The following TTC29 variants were observed in gnomAD, a reference collection of about 807,000 sequenced individuals.
TTC29 encodes the protein tetratricopeptide repeat domain 29.
In TTC29, 49 loss-of-function variants were observed where a neutral mutation model predicts 58.1. The ratio of observed to expected loss-of-function variants is 0.84; its 90% CI spans 0.67 to 1.07. TTC29 has a LOEUF of 1.07. TTC29 is among the 50% of genes least tolerant of loss of function. TTC29 has a pLI of 0.00. For synonymous variants in TTC29, 209 were observed against 196.8 expected (o/e 1.06, Z -0.52); for missense variants, 582 against 555.6 (o/e 1.05, Z -0.48).
Position 146,790,771 on chromosome 4 carries a change from C to A in TTC29, c.1330+12686G>T, listed in dbSNP as rs564003988. Among the ~76,000 whole-genome samples the A allele has an allele frequency of 2.6e-5, 4 of 152,272 alleles. No individual in the cohort carries two copies. The East Asian group carries it at 5.8e-4, about 22-fold the overall frequency. On this transcript the variant is annotated intron_variant, in intron 11 of 12. Coordinates refer to ENST00000325106, the MANE Select transcript of TTC29 (RefSeq NM_031956.4). ...GCATCAGAAGCTGGGACTTGCTAAG[C>A]AAGACTGTGCAGAATCCCACTCAGC...
chr4:146,748,891 C>A (rs535113640), intron 11 of TTC29, among the ~76,000 whole-genome samples: 2 of 152,078 alleles, frequency 1.3e-5, no homozygotes, highest in East Asian at 3.9e-4. Context: ...CTGACCCCCC[C>A]GCAAAATAGA....
intron 7 of TTC29, among the ~76,000 whole-genome samples, chr4:146,868,023 G>A (rs1167987074): frequency 6.6e-6 from 1 of 152,058 alleles, no homozygotes; most frequent in Non-Finnish European, 1.5e-5. Context: ...AACCTTAAAT[G>A]GTGCACAAAC....
intron 11 of TTC29, among the ~76,000 whole-genome samples, chr4:146,712,030 CATAA>C (rs1230111132): frequency 4.9e-4 from 74 of 151,848 alleles, no homozygotes; most frequent in African/African-American, 1.7e-3. Flanking sequence ...TAAATAAATA[CATAA>C]ATAAATAGAA....
intron 11 of TTC29, among the ~76,000 whole-genome samples, chr4:146,766,272 T>C (rs945058008): frequency 1.3e-5 from 2 of 152,046 alleles, no homozygotes; most frequent in African/African-American, 4.8e-5. Context: ...TGAGAGAAGA[T>C]GCTTCTGAAC....
intron 2 of TTC29, chr4:146,944,046 G>A (rs1164793662): frequency 6.6e-6 from 1 of 152,350 alleles, no homozygotes; most frequent in East Asian, 1.9e-4. Context: ...GCTGCAGGAA[G>A]GGAAATTGCT....
At chr4:146,818,358 C>A (rs376653185) in intron 10 of TTC29, among the ~76,000 whole-genome samples, 10 of 152,270 alleles carry the variant, frequency 6.6e-5, no homozygotes, top group Admixed American at 5.2e-4. Context: ...GGCCATCAGA[C>A]AAATGCAAAT....
rs145510076 is a variant in TTC29, at chr4:146,849,944, C to T, written c.886-16047G>A. Among the ~76,000 whole-genome samples, 597 of 152,280 alleles carry T rather than the reference C, an allele frequency of 3.9e-3. 6 individuals are homozygous for T. Among genetic ancestry groups the T allele is most frequent in the African/African-American group, 0.013 (554 of 41,560 alleles). The stretch of plus-strand genomic sequence containing the variant: ...TTCTCTGATCACCCATTTATAATTC[C>T]CTCCACCCTACCTCTTGCCTTGGAA... On this transcript the variant is annotated intron_variant, in intron 8 of 12. Transcript: ENST00000325106.
intron 6 of TTC29, among the ~76,000 whole-genome samples, chr4:146,880,956 GA>G (rs1268288317): frequency 6.6e-6 from 1 of 150,474 alleles, no homozygotes; most frequent in Non-Finnish European, 1.5e-5. Context: ...AACAAAAAAA[GA>G]AAAAAAAGGA....
At chr4:146,757,503 G>C (rs1342389339) in intron 11 of TTC29, among the ~76,000 whole-genome samples, 4 of 152,274 alleles carry the variant, frequency 2.6e-5, no homozygotes, top group African/African-American at 9.6e-5. Context: ...TCTTTGCCTA[G>C]GCACACTGTC....
intron 4 of TTC29, among the ~76,000 whole-genome samples, chr4:146,932,374 T>C (rs1376938279): frequency 1.3e-5 from 2 of 152,198 alleles, no homozygotes; most frequent in Admixed American, 1.3e-4. Context: ...ATAGAGAATT[T>C]ATTACTTTAC....
chr4:146,720,984 A>G (rs1327730040), intron 11 of TTC29, among the ~76,000 whole-genome samples: 1 of 152,144 alleles, frequency 6.6e-6, no homozygotes, highest in Non-Finnish European at 1.5e-5. Flanking sequence ...TTCAAATTAG[A>G]TAGATTCAGA....
At chr4:146,920,473 A>G (rs1313648930) in intron 4 of TTC29, among the ~76,000 whole-genome samples, 1 of 151,222 alleles carries the variant, frequency 6.6e-6, no homozygotes, top group South Asian at 2.1e-4. Flanking sequence ...AAAAAATCAC[A>G]TAAATTAAAA....
In TTC29 at chr4:146,716,320, G is replaced by GT. The variant is rs1296043444; in HGVS notation, c.1331-8770dup. 5.9e-5 allele frequency among the ~76,000 whole-genome samples: 9 copies of GT among 152,002 alleles called. No individual in the cohort carries two copies. In the East Asian group the frequency reaches 1.7e-3, roughly 29 times the overall value. Reference sequence around the variant, plus strand: ...GGTAGGTTTGAATTTTCTTTTTCTGGTTACTTCAGAGTAACAGTTTGGAAA... The same window carrying GT: ...GGTAGGTTTGAATTTTCTTTTTCTGGTTTACTTCAGAGTAACAGTTTGGAAA... On this transcript the variant is annotated intron_variant, in intron 11 of 12. Coordinates refer to ENST00000325106, the MANE Select transcript of TTC29 (RefSeq NM_031956.4).
chr4:146,803,328 T>C (rs1750363432), intron 11 of TTC29, 129 bp downstream of exon 11: 2 of 679,216 alleles, frequency 2.9e-6, no homozygotes, highest in Admixed American at 5.8e-5. Context: ...CATGTAGTAA[T>C]GGATCCATAA....
intron 11 of TTC29, among the ~76,000 whole-genome samples, chr4:146,753,254 T>C (rs1305821476): frequency 3.3e-5 from 5 of 152,050 alleles, no homozygotes; most frequent in Middle Eastern, 3.4e-3. Context: ...TATGAACAGA[T>C]ACTTCTCAAA....
chr4:146,746,990 A>G (rs1278076076), intron 11 of TTC29, among the ~76,000 whole-genome samples: 1 of 152,098 alleles, frequency 6.6e-6, no homozygotes, highest in Non-Finnish European at 1.5e-5. Flanking sequence ...CTGAGAAGGG[A>G]AGGAAACATG....
intron 10 of TTC29, among the ~76,000 whole-genome samples, chr4:146,806,480 G>A (rs1750623763): frequency 1.3e-5 from 2 of 152,162 alleles, no homozygotes; most frequent in Non-Finnish European, 2.9e-5. Context: ...GCTTTATTCA[G>A]GAGACCCATC....
At chr4:146,902,270 G>T (rs1018850329) in intron 6 of TTC29, among the ~76,000 whole-genome samples, 1 of 151,996 alleles carries the variant, frequency 6.6e-6, no homozygotes, top group African/African-American at 2.4e-5. Flanking sequence ...CTGCTGGTGT[G>T]TCCTTATTCT....
intron 11 of TTC29, among the ~76,000 whole-genome samples, chr4:146,765,763 C>T (rs370952053): frequency 6.6e-6 from 1 of 152,160 alleles, no homozygotes; most frequent in South Asian, 2.1e-4. Flanking sequence ...TGGGCATTTG[C>T]CCAATTTTAC....
Sources: allele counts gnomAD v4.1 joint callset (sites outside exome capture counted in the v4.1 genomes callset), GRCh38; gene constraint gnomAD v4.1.1; transcripts MANE v1.5; gene names NCBI Gene and HGNC (gene_info 2026-07-23, HGNC 2026-07-21).